The following IMMP2L variants were observed in gnomAD, a reference collection of about 807,000 sequenced individuals.
The protein encoded by IMMP2L is inner mitochondrial membrane peptidase subunit 2, also known as mitochondrial inner membrane protease subunit 2.
In IMMP2L, 18 loss-of-function variants were observed where a neutral mutation model predicts 19.3. The observed-to-expected ratio is 0.93, with a 90% confidence interval of 0.64 to 1.38. IMMP2L has a LOEUF of 1.38. Among genes scored for constraint, IMMP2L ranks in the 40% most tolerant of loss-of-function variants. IMMP2L has a pLI of 0.00. For synonymous variants in IMMP2L, 76 were observed against 73.0 expected (o/e 1.04, Z -0.21); for missense variants, 233 against 218.2 (o/e 1.07, Z -0.43).
chr7:110,829,159 T>C (rs1422953508), intron 5 of IMMP2L, among the ~76,000 whole-genome samples: 2 of 152,142 alleles, frequency 1.3e-5, no homozygotes, highest in African/African-American at 4.8e-5. Context: ...AAAAAGTTTA[T>C]TCTGTACCTA....
intron 3 of IMMP2L, among the ~76,000 whole-genome samples, chr7:111,445,221 C>A (rs1838204104): frequency 6.6e-6 from 1 of 151,862 alleles, no homozygotes; most frequent in South Asian, 2.1e-4. Flanking sequence ...AAGAACACTG[C>A]AGGACATTGT....
intron 3 of IMMP2L, chr7:111,099,909 A>C (rs1797789657): frequency 6.6e-6 from 1 of 151,688 alleles, no homozygotes; most frequent in Non-Finnish European, 1.5e-5. Flanking sequence ...AAGAGAAAGA[A>C]GAGGAAGATG....
rs1310293094 is a variant in IMMP2L, at chr7:111,438,803, CT to C, written c.239+48434del. 4.6e-5 allele frequency among the ~76,000 whole-genome samples: 7 copies of C among 151,884 alleles called. 1 individual carries two copies. Among genetic ancestry groups the C allele is most frequent in the South Asian group, 2.1e-4 (1 of 4,824 alleles). On this transcript the variant is annotated intron_variant, in intron 3 of 5. Coordinates refer to ENST00000405709, the MANE Select transcript of IMMP2L (RefSeq NM_032549.4). Reference sequence around the variant, plus strand: ...AACACAGCCCTCTCATTCTACACCCCTAACACAATCTCTTAAAAAAGAAATT... The same window carrying C: ...AACACAGCCCTCTCATTCTACACCCCAACACAATCTCTTAAAAAAGAAATT...
chr7:111,035,006 T>C lies in IMMP2L; in HGVS notation c.240-71441A>G, dbSNP rs140485225. ...AACTGTACTTCCATTACAGACCCTG[T>C]ATGGTTACAGTTTTTTAAATCATTT... On this transcript the variant is annotated intron_variant, in intron 3 of 5. Transcript: ENST00000405709. Among the ~76,000 whole-genome samples the C allele has an allele frequency of 4.0e-3, 606 of 152,250 alleles. 6 individuals carry two copies. The highest frequency in any genetic ancestry group is 0.013 in the African/African-American group (554 of 41,568).
intron 5 of IMMP2L, among the ~76,000 whole-genome samples, chr7:110,743,505 G>A (rs917742590): frequency 1.3e-5 from 2 of 152,218 alleles, no homozygotes; most frequent in Admixed American, 6.5e-5. Context: ...AACAGCTCTG[G>A]TCTTAGCAAC....
intron 3 of IMMP2L, among the ~76,000 whole-genome samples, chr7:111,080,828 T>A (rs758228139): frequency 6.6e-6 from 1 of 152,190 alleles, no homozygotes; most frequent in Non-Finnish European, 1.5e-5. Context: ...ACTGCCAAAT[T>A]TTGACAAGGG....
intron 1 of IMMP2L, among the ~76,000 whole-genome samples, chr7:111,526,897 T>C (rs934691660): frequency 6.6e-6 from 1 of 152,106 alleles, no homozygotes; most frequent in Non-Finnish European, 1.5e-5. Context: ...CTATCTTAGT[T>C]ATAAGGTAGT....
intron 1 of IMMP2L, among the ~76,000 whole-genome samples, chr7:111,550,779 T>C (rs575885003): frequency 3.3e-5 from 5 of 152,144 alleles, no homozygotes; most frequent in Admixed American, 6.5e-5. Flanking sequence ...TTGCTCCTCA[T>C]AACATCTGCT....
At chr7:111,163,118 G>A (rs531001660) in intron 3 of IMMP2L, among the ~76,000 whole-genome samples, 5 of 152,134 alleles carry the variant, frequency 3.3e-5, no homozygotes, top group African/African-American at 1.2e-4. Context: ...GGACCTGAGC[G>A]CTCTATGAGA....
At chr7:110,881,290 C>T (rs1809607997) in intron 5 of IMMP2L, among the ~76,000 whole-genome samples, 1 of 152,020 alleles carries the variant, frequency 6.6e-6, no homozygotes, top group Non-Finnish European at 1.5e-5. Flanking sequence ...AGATGTATGC[C>T]TTTGTCTATA....
intron 3 of IMMP2L, among the ~76,000 whole-genome samples, chr7:111,193,092 T>C (rs756341562): frequency 7.6e-4 from 115 of 152,224 alleles, no homozygotes; most frequent in Non-Finnish European, 1.2e-3. Context: ...TGTTCAAACA[T>C]GGGAGAACAG....
chr7:111,107,649 A>AATC (rs1352273651), intron 3 of IMMP2L, among the ~76,000 whole-genome samples: 1 of 152,122 alleles, frequency 6.6e-6, no homozygotes, highest in East Asian at 1.9e-4. Context: ...GTAAAGTAAT[A>AATC]ATCTCAAATA....
intron 3 of IMMP2L, among the ~76,000 whole-genome samples, chr7:111,302,843 G>C (rs1277937385): frequency 1.3e-5 from 2 of 152,048 alleles, no homozygotes; most frequent in Non-Finnish European, 2.9e-5. Flanking sequence ...ACACCTGAAA[G>C]AGAGTTTTCT....
At chr7:110,951,559 G>A (rs1585410926) in intron 4 of IMMP2L, among the ~76,000 whole-genome samples, 2 of 151,392 alleles carry the variant, frequency 1.3e-5, no homozygotes, top group Admixed American at 1.3e-4. Flanking sequence ...GTGTGTGTGT[G>A]TGTATGTGTG....
At chr7:110,953,404 T>C (rs1283150566) in intron 4 of IMMP2L, among the ~76,000 whole-genome samples, 3 of 150,476 alleles carry the variant, frequency 2.0e-5, no homozygotes, top group African/African-American at 7.3e-5. Flanking sequence ...ACTTAATGAG[T>C]GAGAACATGC....
chr7:111,477,270 G>A (rs1841801552), intron 3 of IMMP2L, among the ~76,000 whole-genome samples: 1 of 152,120 alleles, frequency 6.6e-6, no homozygotes, highest in African/African-American at 2.4e-5. Context: ...AATGTGACCA[G>A]TGCAGTCACA....
At chr7:110,774,275 C>T (rs375579995) in intron 5 of IMMP2L, among the ~76,000 whole-genome samples, 20 of 152,104 alleles carry the variant, frequency 1.3e-4, no homozygotes, top group Non-Finnish European at 2.1e-4. Flanking sequence ...ATCATGCTCT[C>T]TGGTTGGCTA....
At chr7:110,893,530 T>C (rs1811027191) in intron 4 of IMMP2L, among the ~76,000 whole-genome samples, 1 of 152,224 alleles carries the variant, frequency 6.6e-6, no homozygotes, top group South Asian at 2.1e-4. Flanking sequence ...AAACAATAGT[T>C]CATGAACACT....
At chr7:110,691,060 A>G (rs1472067196) in intron 5 of IMMP2L, among the ~76,000 whole-genome samples, 1 of 152,172 alleles carries the variant, frequency 6.6e-6, no homozygotes, top group African/African-American at 2.4e-5. Context: ...ACATTACCCA[A>G]CTTCAAATTA....
Sources: gnomAD v4.1 joint callset for allele counts (sites outside exome capture counted in the v4.1 genomes callset) on GRCh38, gnomAD v4.1.1 for gene constraint, MANE v1.5 for transcripts, NCBI Gene and HGNC (gene_info 2026-07-23, HGNC 2026-07-21) for gene names.